The following UBE3D variants were observed in gnomAD, a reference collection of about 807,000 sequenced individuals.
The protein encoded by UBE3D is ubiquitin protein ligase E3D.
A neutral mutation model predicts 49.6 loss-of-function variants in UBE3D; 48 were observed. The observed-to-expected ratio is 0.97, with a 90% CI of 0.77 to 1.23. UBE3D has a LOEUF of 1.23. Among genes scored for constraint, UBE3D ranks in the 50% most tolerant of loss-of-function variants. UBE3D has a pLI of 0.00. For synonymous variants in UBE3D, 189 were observed against 174.2 expected (o/e 1.08, Z -0.67); for missense variants, 452 against 468.4 (o/e 0.96, Z 0.32).
At chr6:83,049,412 T>G (rs147015458) in intron 3 of UBE3D, among the ~76,000 whole-genome samples, 190 of 152,350 alleles carry the variant, frequency 1.2e-3, no homozygotes, top group African/African-American at 3.6e-3. Context: ...ACTTTAATAT[T>G]ATTACGTACA....
rs537133369 is a variant in UBE3D at position 82,997,800 on chromosome 6, G to A, written c.1010+21173C>T. ...GGCATATATAAATATATGTATATGC[G>A]TAGGTAAAGGTCTGGAAACATACAC... On this transcript the variant is annotated intron_variant, in intron 8 of 9. Transcript: ENST00000369747. Among the ~76,000 whole-genome samples the A allele has an allele frequency of 7.2e-5, 11 of 152,238 alleles. No homozygotes were observed. The South Asian group carries it at 1.0e-3, about 14-fold the overall frequency.
chr6:82,920,677 A>T (rs1235320675), intron 9 of UBE3D, among the ~76,000 whole-genome samples: 1 of 152,192 alleles, frequency 6.6e-6, no homozygotes, highest in Non-Finnish European at 1.5e-5. Flanking sequence ...AGAGCCCCAT[A>T]CATTATTAAG....
chr6:82,902,734 T>C (rs1359165105), intron 9 of UBE3D, among the ~76,000 whole-genome samples: 1 of 152,112 alleles, frequency 6.6e-6, no homozygotes, highest in Non-Finnish European at 1.5e-5. Context: ...GGTGATAAAA[T>C]TGTATAGAAC....
chr6:82,943,844 A>G (rs1186286829), intron 9 of UBE3D, among the ~76,000 whole-genome samples: 1 of 152,010 alleles, frequency 6.6e-6, no homozygotes, highest in Non-Finnish European at 1.5e-5. Context: ...ATGAGACTTC[A>G]CATTAAACTC....
At position 83,002,046 on chromosome 6, in the gene UBE3D, C is replaced by T. The variant is rs543688493; in HGVS notation, c.1010+16927G>A. On this transcript the variant is annotated intron_variant, in intron 8 of 9. Coordinates refer to ENST00000369747, the MANE Select transcript of UBE3D (RefSeq NM_198920.3). ...TACAGTAGGTGTCTGACCCCCACCC[C>T]ACCTTCCCAAGCCCTCTGGAAGCCA... Among the ~76,000 whole-genome samples, 3 of 152,214 alleles carry T rather than the reference C, an allele frequency of 2.0e-5. No individual in the cohort carries two copies. In the South Asian group the frequency reaches 6.2e-4, roughly 32 times the overall value.
chr6:82,982,800 C>T (rs576351021), intron 8 of UBE3D, among the ~76,000 whole-genome samples: 218 of 152,226 alleles, frequency 1.4e-3, no homozygotes, highest in Non-Finnish European at 2.6e-3. Flanking sequence ...CCCAATTCTA[C>T]GCTGTTTTCA....
chr6:83,009,919 A>T (rs1044304473), intron 8 of UBE3D, among the ~76,000 whole-genome samples: 5 of 151,750 alleles, frequency 3.3e-5, no homozygotes, highest in Non-Finnish European at 5.9e-5. Flanking sequence ...TTAAGGAAGT[A>T]TTTATAATAA....
At chr6:82,882,323 T>C in the UBE3D span, among the ~76,000 whole-genome samples, 2 of 152,170 alleles carry the variant, frequency 1.3e-5, no homozygotes, top group African/African-American at 4.8e-5. Flanking sequence ...AAATAAAGGC[T>C]TTATCGGAAT....
chr6:82,953,574 T>C (rs1382540876), intron 9 of UBE3D, among the ~76,000 whole-genome samples: 1 of 152,204 alleles, frequency 6.6e-6, no homozygotes, highest in East Asian at 1.9e-4. Context: ...TTCTAGAATG[T>C]CACATGGCTG....
At chr6:82,944,270 C>T (rs931219924) in intron 9 of UBE3D, among the ~76,000 whole-genome samples, 5 of 152,158 alleles carry the variant, frequency 3.3e-5, no homozygotes, top group African/African-American at 7.2e-5. Flanking sequence ...AATACTAGCT[C>T]GGCCACAGTA....
chr6:82,937,514 C>T (rs936797808), intron 9 of UBE3D, among the ~76,000 whole-genome samples: 1 of 152,158 alleles, frequency 6.6e-6, no homozygotes, highest in Non-Finnish European at 1.5e-5. Flanking sequence ...TGAACACAGC[C>T]ATGCTCAGTG....
chr6:82,906,338 G>A (rs1269967468), intron 9 of UBE3D, among the ~76,000 whole-genome samples: 3 of 151,792 alleles, frequency 2.0e-5, no homozygotes, highest in African/African-American at 7.3e-5. Context: ...CCACTTTTAT[G>A]CTTTTAGTGT....
At chr6:82,902,081 C>A (rs1379269991) in intron 9 of UBE3D, among the ~76,000 whole-genome samples, 3 of 152,206 alleles carry the variant, frequency 2.0e-5, no homozygotes, top group East Asian at 3.9e-4. Flanking sequence ...ACATGGGTCT[C>A]CAGCAAATTT....
chr6:82,937,581 A>G (rs1004136251), intron 9 of UBE3D, among the ~76,000 whole-genome samples: 6 of 152,226 alleles, frequency 3.9e-5, no homozygotes, highest in African/African-American at 9.7e-5. Flanking sequence ...AGAGGCTCAC[A>G]TTTTAGAAAT....
intron 9 of UBE3D, among the ~76,000 whole-genome samples, chr6:82,899,818 A>G (rs1259002823): frequency 1.3e-5 from 2 of 152,212 alleles, no homozygotes; most frequent in African/African-American, 2.4e-5. Flanking sequence ...AGCAGTTCTG[A>G]TGCTCCCAGT....
intron 8 of UBE3D, among the ~76,000 whole-genome samples, chr6:82,975,219 T>C (rs1478096599): frequency 6.6e-6 from 1 of 152,106 alleles, no homozygotes; most frequent in African/African-American, 2.4e-5. Context: ...TTTTAGAAAC[T>C]AGCAAATATA....
At position 82,892,938 on chromosome 6, in the gene UBE3D, A is replaced by T. The variant is rs1771042088; in HGVS notation, c.*84T>A. 1.3e-6 allele frequency: 2 copies of T among 1,488,806 alleles called. No individual in the cohort carries two copies. Among genetic ancestry groups the T allele is most frequent in the African/African-American group, 2.8e-5 (2 of 72,330 alleles). The allele number at this position is 1,488,806 out of a possible 1,614,324, so 92.2% of individuals were successfully genotyped here. ...GCTCTGGTTCTTGTCTTTGTAATTG[A>T]TGCCTCCTGAGCTGACTGCTGGCCT... On this transcript the variant is annotated 3_prime_UTR_variant, in exon 10 of 10. Transcript: ENST00000369747.
chr6:82,938,944 G>A (rs373661389), intron 9 of UBE3D, among the ~76,000 whole-genome samples: 1 of 152,014 alleles, frequency 6.6e-6, no homozygotes, highest in East Asian at 1.9e-4. Context: ...CTACATGGGA[G>A]GCTGAGGCAA....
intron 8 of UBE3D, among the ~76,000 whole-genome samples, chr6:83,008,943 T>G (rs1780167547): frequency 6.6e-6 from 1 of 152,122 alleles, no homozygotes; most frequent in Admixed American, 6.5e-5. Flanking sequence ...CCAAACTAAT[T>G]TATTAGATGT....
Sources: gnomAD v4.1 joint callset for allele counts (sites outside exome capture counted in the v4.1 genomes callset) on GRCh38, gnomAD v4.1.1 for gene constraint, MANE v1.5 for transcripts, NCBI Gene and HGNC (gene_info 2026-07-23, HGNC 2026-07-21) for gene names.